TSPAN12: variants seen among roughly 807,000 people sequenced by gnomAD.
The protein encoded by TSPAN12 is tetraspanin 12.
TSPAN12 carries 19 observed loss-of-function variants against 39.2 expected under a neutral mutation model. The observed-to-expected ratio is 0.49, with a 90% CI of 0.34 to 0.71. TSPAN12 has a LOEUF of 0.71. Ranked by LOEUF, TSPAN12 falls within the 30% of genes least tolerant of loss-of-function variation. The probability of loss-of-function intolerance (pLI) is 0.01; values close to 1 mark genes in which losing one functional copy is unlikely to be tolerated. For missense variants in TSPAN12, 314 were observed against 359.9 expected (o/e 0.87, Z 1.03); for synonymous variants, 119 against 124.8 (o/e 0.95, Z 0.31).
intron 6 of TSPAN12, 104 bp downstream of exon 6, chr7:120,810,359 A>AT (rs1793954284): frequency 3.8e-6 from 3 of 786,984 alleles, no homozygotes; most frequent in Non-Finnish European, 6.7e-6. Flanking sequence ...CACAGGCTTA[A>AT]TTTTTCAGCA....
chr7:120,805,984 C>T (rs1793863774), intron 7 of TSPAN12, among the ~76,000 whole-genome samples: 1 of 152,014 alleles, frequency 6.6e-6, no homozygotes, highest in East Asian at 1.9e-4. Context: ...TCCCAGAAAA[C>T]ACAAGTATGT....
intron 7 of TSPAN12, among the ~76,000 whole-genome samples, chr7:120,801,283 C>CA (rs1243292323): frequency 6.6e-6 from 1 of 152,148 alleles, no homozygotes; most frequent in Non-Finnish European, 1.5e-5. Context: ...CACATCCCTT[C>CA]AAAATCACAC....
chr7:120,801,423 C>T (rs1793769036), intron 7 of TSPAN12, among the ~76,000 whole-genome samples: 1 of 152,230 alleles, frequency 6.6e-6, no homozygotes, highest in South Asian at 2.1e-4. Context: ...AAAACTGTAA[C>T]CCAACACATG....
intron 4 of TSPAN12, among the ~76,000 whole-genome samples, chr7:120,832,770 G>C (rs1397083023): frequency 6.6e-6 from 1 of 152,066 alleles, no homozygotes; most frequent in South Asian, 2.1e-4. Context: ...GGTGAGGAAG[G>C]TAAAAAGGAA....
At chr7:120,856,562 T>C in intron 2 of TSPAN12, 136 bp downstream of exon 2, 1 of 913,058 alleles carries the variant, frequency 1.1e-6, no homozygotes. Context: ...GGTCAAATTT[T>C]ACTTCTCTGA....
chr7:120,821,906 G>A (rs1794194477), intron 4 of TSPAN12, among the ~76,000 whole-genome samples: 1 of 152,056 alleles, frequency 6.6e-6, no homozygotes, highest in African/African-American at 2.4e-5. Flanking sequence ...TGAACTTTTA[G>A]TAAAATCCCT....
intron 2 of TSPAN12, among the ~76,000 whole-genome samples, chr7:120,844,548 A>AG (rs1006908253): frequency 1.3e-5 from 2 of 152,198 alleles, no homozygotes; most frequent in Admixed American, 1.3e-4. Context: ...GCCAAAACAA[A>AG]GGGGCTACAG....
At chr7:120,843,622 T>C (rs562747981) in intron 2 of TSPAN12, among the ~76,000 whole-genome samples, 12 of 152,310 alleles carry the variant, frequency 7.9e-5, no homozygotes, top group African/African-American at 2.9e-4. Context: ...CTTTGTGCCT[T>C]GTGACTGACC....
chr7:120,833,056 T>A (rs1183749262), intron 4 of TSPAN12, among the ~76,000 whole-genome samples: 2 of 152,156 alleles, frequency 1.3e-5, no homozygotes. Context: ...ACCAGCTGTG[T>A]ATCTTTGGGG....
At chr7:120,814,289 T>TA in intron 5 of TSPAN12, 1 of 456,360 alleles carries the variant, frequency 2.2e-6, no homozygotes, top group Non-Finnish European at 4.4e-6. Context: ...TCTGGAGACT[T>TA]ACTACACTTT....
intron 4 of TSPAN12, among the ~76,000 whole-genome samples, chr7:120,823,597 C>T (rs2116413392): frequency 6.6e-6 from 1 of 152,130 alleles, no homozygotes; most frequent in South Asian, 2.1e-4. Context: ...GTGGGTGAGG[C>T]ACAGCAGGAA....
At chr7:120,803,012 C>G (rs1486841621) in intron 7 of TSPAN12, among the ~76,000 whole-genome samples, 1 of 152,150 alleles carries the variant, frequency 6.6e-6, no homozygotes, top group Non-Finnish European at 1.5e-5. Context: ...TCTGAGCTTA[C>G]AGAATATGAA....
chr7:120,818,530 A>T (rs1355085870), intron 4 of TSPAN12, among the ~76,000 whole-genome samples: 1 of 152,106 alleles, frequency 6.6e-6, no homozygotes, highest in East Asian at 1.9e-4. Flanking sequence ...GGAGTATAAG[A>T]TATAGAAAAT....
chr7:120,790,175 CCTT>C (rs1793494351), intron 7 of TSPAN12, among the ~76,000 whole-genome samples: 1 of 152,138 alleles, frequency 6.6e-6, no homozygotes, highest in African/African-American at 2.4e-5. Flanking sequence ...TAACCTCACT[CCTT>C]GTGTGTTCGC....
At chr7:120,857,690 G>A (rs1040262938) in intron 1 of TSPAN12, 130 bp downstream of exon 1, 14 of 152,324 alleles carry the variant, frequency 9.2e-5, no homozygotes, top group African/African-American at 3.4e-4. Flanking sequence ...GGCAGGGCGC[G>A]AGGGGAAGCG....
At chr7:120,796,965 C>T (rs1318582031) in intron 7 of TSPAN12, among the ~76,000 whole-genome samples, 1 of 152,146 alleles carries the variant, frequency 6.6e-6, no homozygotes, top group East Asian at 1.9e-4. Flanking sequence ...ACCATCCTGG[C>T]TAACATGGTG....
chr7:120,839,786 G>A (rs530634193), intron 3 of TSPAN12, among the ~76,000 whole-genome samples: 6 of 152,254 alleles, frequency 3.9e-5, no homozygotes, highest in Middle Eastern at 3.4e-3. Flanking sequence ...AGGAGGACAG[G>A]CAACTGCTAT....
At chr7:120,824,035 T>C (rs1794236397) in intron 4 of TSPAN12, among the ~76,000 whole-genome samples, 1 of 152,154 alleles carries the variant, frequency 6.6e-6, no homozygotes, top group East Asian at 1.9e-4. Flanking sequence ...GGAAATATTC[T>C]AACTGCTCAG....
At chr7:120,826,775 T>A (rs1024983225) in intron 4 of TSPAN12, among the ~76,000 whole-genome samples, 3 of 152,192 alleles carry the variant, frequency 2.0e-5, no homozygotes, top group Admixed American at 6.5e-5. Flanking sequence ...CAGGCTGCAG[T>A]GCTGTGGCAT....
Sources: gnomAD v4.1 joint callset for allele counts (sites outside exome capture counted in the v4.1 genomes callset) on GRCh38, gnomAD v4.1.1 for gene constraint, MANE v1.5 for transcripts, NCBI Gene and HGNC (gene_info 2026-07-23, HGNC 2026-07-21) for gene names.